Variants in CAPN6 observed in about 807,000 individuals in gnomAD.
CAPN6 encodes the protein calpain-6.
CAPN6 carries 16 observed loss-of-function variants against 46.0 expected under a neutral mutation model. The observed-to-expected ratio is 0.35, with a 90% CI of 0.24 to 0.53. The LOEUF (loss-of-function observed/expected upper bound fraction) is 0.53, where lower values mean the gene tolerates loss of function less well. CAPN6 is among the 20% of genes least tolerant of loss of function. The pLI is 0.94. For missense variants in CAPN6, 461 were observed against 498.0 expected (o/e 0.93, Z 0.71); for synonymous variants, 206 against 172.8 (o/e 1.19, Z -1.51).
chrX:111,270,014 C>A (rs920915150), intron 1 of CAPN6, among the ~76,000 whole-genome samples: 2 of 111,549 alleles, frequency 1.8e-5, no homozygotes, highest in Non-Finnish European at 3.8e-5. Flanking sequence ...TCAACACCAT[C>A]CCCTGTGATT....
At chrX:111,262,076 T>C (rs1301380968) in intron 2 of CAPN6, among the ~76,000 whole-genome samples, 1 of 110,666 alleles carries the variant, frequency 9.0e-6, no homozygotes, top group Non-Finnish European at 1.9e-5. Flanking sequence ...CGTATCTCTA[T>C]TTTTCTCCAT....
intron 10 of CAPN6, among the ~76,000 whole-genome samples, 164 bp downstream of exon 10, chrX:111,248,405 A>G (rs765265920): frequency 8.9e-6 from 1 of 112,628 alleles, no homozygotes; most frequent in Non-Finnish European, 1.9e-5. Context: ...ATTTCCCCCA[A>G]CCACCCTTTG....
intron 2 of CAPN6, among the ~76,000 whole-genome samples, chrX:111,258,496 T>C (rs1476849382): frequency 8.9e-6 from 1 of 111,811 alleles, no homozygotes; most frequent in Non-Finnish European, 1.9e-5. Context: ...AAGTAGTCGT[T>C]ATCTTACTTA....
At position 111,251,067 on chromosome X, in the gene CAPN6, T is replaced by C; in HGVS notation, c.1008A>G (p.Lys336=). The C allele has an allele frequency of 8.3e-7, 1 of 1,211,128 alleles. No individual in the cohort carries two copies. Among genetic ancestry groups the C allele is most frequent in the Non-Finnish European group, 1.1e-6 (1 of 895,390 alleles). ...TGTTCACATTGCGGCAGACATTCAG[T>C]TTGTGAAAGTTGCGGCAAAAGTCCT... is the stretch of plus-strand genomic sequence containing the variant. ...SLEDFCRNFH[K]LNVCRNVNNP... is the part of the protein sequence containing the mutation. Residue 336 remains lysine (K), a synonymous_variant, in exon 8 of 13, where the codon AAA becomes AAG. Transcript: ENST00000324068.
rs1312108206 is a variant in CAPN6, at chrX:111,253,069, A to G, written c.445T>C (p.Phe149Leu). Residue 149 changes from phenylalanine to leucine, a missense_variant, in exon 4 of 13, where the codon TTC (phenylalanine) becomes CTC (leucine). By Grantham distance (22) the Phe-to-Leu change is conservative. Coordinates refer to ENST00000324068, the MANE Select transcript of CAPN6 (RefSeq NM_014289.4). Reference protein sequence around the residue: ...LLPTINGDLVFSFSTSMNEFW... With the variant: ...LLPTINGDLVLSFSTSMNEFW... ...TCATTCATGGAAGTGGAGAAAGAGA[A>G]GACCAGATCTCCGTTAATGGTGGGC... is the stretch of plus-strand genomic sequence containing the variant. The G allele has an allele frequency of 9.1e-6, 11 of 1,211,466 alleles. No individual in the cohort carries two copies. Among genetic ancestry groups the G allele is most frequent in the Non-Finnish European group, 1.1e-5 (10 of 894,886 alleles).
chrX:111,258,809 G>A (rs146254833), intron 2 of CAPN6, among the ~76,000 whole-genome samples: 3 of 111,764 alleles, frequency 2.7e-5, no homozygotes, highest in African/African-American at 6.5e-5. Context: ...CACAGATCCC[G>A]AACTGCTTTT....
rs1347614462 is a variant in CAPN6 at position 111,248,643 on chromosome X, G to A, written c.1410C>T (p.Val470=). 8.3e-7 allele frequency: 1 copy of A among 1,209,707 alleles called. No homozygotes were observed. ...TGCGACCATGCTGGAACATGGTTGG[G>A]ACAAGCACATAGTTGCCCTTCTTCA... The part of the protein sequence containing the change: ...KYLKKGNYVL[V]PTMFQHGRTS... The change falls in exon 10 of 13, where the codon GTC becomes GTT. Residue 470 remains valine (V), a synonymous_variant. Coordinates refer to ENST00000324068, the MANE Select transcript of CAPN6 (RefSeq NM_014289.4).
intron 2 of CAPN6, among the ~76,000 whole-genome samples, chrX:111,261,650 T>C (rs1184202545): frequency 8.9e-6 from 1 of 112,293 alleles, no homozygotes; most frequent in African/African-American, 3.2e-5. Context: ...ATTTGGAGGA[T>C]GAAGGCAAAG....
At chrX:111,253,619 T>C (rs1299014627) in intron 3 of CAPN6, among the ~76,000 whole-genome samples, 1 of 112,909 alleles carries the variant, frequency 8.9e-6, no homozygotes, top group African/African-American at 3.2e-5. Context: ...TAGTTTGCTT[T>C]TTAAATATCC....
chrX:111,269,271 G>A (rs1204331092), intron 1 of CAPN6, among the ~76,000 whole-genome samples: 1 of 111,487 alleles, frequency 9.0e-6, no homozygotes, highest in Non-Finnish European at 1.9e-5. Context: ...CACACACCCA[G>A]GCACACACGT....
chrX:111,249,949 C>G (rs992582677), intron 8 of CAPN6, among the ~76,000 whole-genome samples: 1 of 110,556 alleles, frequency 9.0e-6, no homozygotes. Context: ...ACTAAGGCCC[C>G]TAAGTTCAAT....
At position 111,252,507 on chromosome X, in the gene CAPN6, C is replaced by A. The variant is rs367795502; in HGVS notation, c.507-8G>T. 2.0e-5 allele frequency: 23 copies of A among 1,175,334 alleles called. No individual in the cohort carries two copies. The African/African-American group carries it at 3.6e-4, about 18-fold the overall frequency. On this transcript the variant is annotated splice_polypyrimidine_tract_variant and splice_region_variant and intron_variant, in intron 4 of 12. Transcript: ENST00000324068. ...TCATAACAGCCTAGCAGCCTGAGGG[C>A]AAGTATGCAAGGTTATCTTTGTAAA... is the stretch of plus-strand genomic sequence containing the variant.
At chrX:111,266,006 A>G (rs765174653) in intron 1 of CAPN6, among the ~76,000 whole-genome samples, 2 of 110,925 alleles carry the variant, frequency 1.8e-5, no homozygotes, top group African/African-American at 6.6e-5. Context: ...GCTCACATGG[A>G]TAGATTACAG....
At chrX:111,256,593 C>T (rs1433943046) in intron 2 of CAPN6, among the ~76,000 whole-genome samples, 1 of 111,355 alleles carries the variant, frequency 9.0e-6, no homozygotes, top group Non-Finnish European at 1.9e-5. Flanking sequence ...ATAAAATTTT[C>T]ATTTCACAGT....
Position 111,245,238 on chromosome X carries a change from C to G in CAPN6, c.*1339G>C, listed in dbSNP as rs2094973383. On this transcript the variant is annotated 3_prime_UTR_variant, in exon 13 of 13. Transcript: ENST00000324068. ...ATGAATGCTTGCTGGTCTAGGTAGG[C>G]TAAGTACTACAACTATGTTTCTTTT... 8.9e-6 allele frequency: 1 copy of G among 111,980 alleles called. No individual in the cohort carries two copies. The highest frequency in any genetic ancestry group is 9.5e-5 in the Admixed American group (1 of 10,533). 9.2% of individuals were successfully genotyped at this position (111,980 alleles called of 1,213,427 possible). A position where few individuals can be genotyped will look rare whatever the true frequency, so the allele number is the denominator to read the frequency against.
At chrX:111,258,378 C>CA (rs1332873982) in intron 2 of CAPN6, among the ~76,000 whole-genome samples, 1 of 111,683 alleles carries the variant, frequency 9.0e-6, no homozygotes, top group African/African-American at 3.3e-5. Flanking sequence ...GTCAGGCCTG[C>CA]AGTAGGTATA....
At chrX:111,250,800 A>T in intron 8 of CAPN6, 117 bp downstream of exon 8, 1 of 699,850 alleles carries the variant, frequency 1.4e-6, no homozygotes, top group Non-Finnish European at 2.2e-6. Flanking sequence ...TGAATATTAC[A>T]CAATAGCTGC....
At position 111,254,499 on chromosome X, in the gene CAPN6, T is replaced by C. The variant is rs1418162374; in HGVS notation, c.166-96A>G. 4 of 635,601 alleles carry C rather than the reference T, an allele frequency of 6.3e-6. No homozygotes were observed. The African/African-American group carries it at 6.6e-5, about 11-fold the overall frequency. 52.4% of individuals were successfully genotyped at this position (635,601 alleles called of 1,213,427 possible). A position where few individuals can be genotyped will look rare whatever the true frequency, so the allele number is the denominator to read the frequency against. ...GGCAGGACAGCCTTCATAGAGGAGA[T>C]AAGGTTAGGGTTGAAAAATAAGTAG... is the stretch of plus-strand genomic sequence containing the variant. On this transcript the variant is annotated intron_variant, in intron 2 of 12. Transcript: ENST00000324068.
intron 10 of CAPN6, 26 bp downstream of exon 10, chrX:111,248,543 T>C: frequency 8.7e-7 from 1 of 1,154,297 alleles, no homozygotes; most frequent in Non-Finnish European, 1.2e-6. Flanking sequence ...GAACAGGGGT[T>C]TGAGGGCTTG....
Sources: allele counts gnomAD v4.1 joint callset (sites outside exome capture counted in the v4.1 genomes callset), GRCh38; gene constraint gnomAD v4.1.1; transcripts MANE v1.5; gene names NCBI Gene and HGNC (gene_info 2026-07-23, HGNC 2026-07-21).